The following GLB1L2 variants were observed in gnomAD, a reference collection of about 807,000 sequenced individuals.
The protein encoded by GLB1L2 is galactosidase beta 1 like 2.
Under a neutral mutation model 84.1 loss-of-function variants are expected in GLB1L2, and 68 were observed. That is an observed-to-expected ratio of 0.81 (90% CI 0.67 to 0.99). The LOEUF is 0.99. Among genes scored for constraint, GLB1L2 ranks in the 50% least tolerant of loss-of-function variants. The probability of loss-of-function intolerance (pLI) is 0.00; values close to 1 mark genes in which losing one functional copy is unlikely to be tolerated. For synonymous variants in GLB1L2, 290 were observed against 318.0 expected (o/e 0.91, Z 0.94); for missense variants, 762 against 805.6 (o/e 0.95, Z 0.66).
At chr11:134,341,991 C>CCCAGCACCGGCTCCT (rs1591610852) in intron 1 of GLB1L2, among the ~76,000 whole-genome samples, 4 of 152,000 alleles carry the variant, frequency 2.6e-5, no homozygotes, top group African/African-American at 4.8e-5. Flanking sequence ...GACTCAGCCA[C>CCCAGCACCGGCTCCT]GCCCTTGTTT....
At position 134,371,131 on chromosome 11, in the gene GLB1L2, G is replaced by A. The variant is rs375722955; in HGVS notation, c.1339G>A (p.Val447Met). The stretch of plus-strand genomic sequence containing the variant: ...CTCGTCTGGCATCCTCAGTGGCCAC[G>A]TGCATGATCGGGGGCAGGTAGGAGC... ...ITSSGILSGH[V>M]HDRGQVFVNT... Residue 447 changes from valine (V) to methionine (M), a missense_variant, in exon 13 of 19, where the codon GTG becomes ATG. Val to Met is a conservative substitution (Grantham distance 21, BLOSUM62 1). This residue lies in a region of GLB1L2 where 603 missense variants were observed against 611.7 expected (regional missense o/e 0.99). Coordinates refer to ENST00000535456, the MANE Select transcript of GLB1L2 (RefSeq NM_001370461.1). 50 of 1,614,080 alleles carry A rather than the reference G, an allele frequency of 3.1e-5. No homozygotes were observed. The highest frequency in any genetic ancestry group is 2.7e-4 in the Admixed American group (16 of 60,006).
Position 134,332,067 on chromosome 11 carries a change from C to T in GLB1L2, c.6C>T (p.Thr2=). M[T]TWSLRRRPAR... ...CCGCGCTTAGAGAACACGCGATGAC[C>T]ACGTGGAGCCTCCGGCGGAGGCCGG... Residue 2 remains threonine, a synonymous_variant, in exon 1 of 19, where the codon ACC becomes ACT. Transcript: ENST00000535456. 1 of 1,577,836 alleles carries T rather than the reference C, an allele frequency of 6.3e-7. No individual in the cohort carries two copies. Among genetic ancestry groups the T allele is most frequent in the Non-Finnish European group, 8.6e-7 (1 of 1,163,692 alleles).
rs1041992236 is a variant in GLB1L2 at position 134,342,957 on chromosome 11, T to TG, written c.284+7dup. 7.5e-6 allele frequency: 12 copies of TG among 1,604,616 alleles called. No individual in the cohort carries two copies. Among genetic ancestry groups the TG allele is most frequent in the African/African-American group, 2.7e-5 (2 of 74,646 alleles). ...GGCTTGAACACCCTCACCACGTAGGTGCTGCCCCTGTCCCCCCGGAGCCTG... is the reference window on the plus strand; with the variant it reads ...GGCTTGAACACCCTCACCACGTAGGTGGCTGCCCCTGTCCCCCCGGAGCCTG... On this transcript the variant is annotated splice_region_variant and intron_variant, in intron 2 of 18. Coordinates refer to ENST00000535456, the MANE Select transcript of GLB1L2 (RefSeq NM_001370461.1).
intron 17 of GLB1L2, 67 bp downstream of exon 17, chr11:134,374,323 A>C: frequency 7.7e-7 from 1 of 1,294,416 alleles, no homozygotes; most frequent in Non-Finnish European, 1.1e-6. Context: ...CTCTGAGCCA[A>C]AGCCACGAGC....
intron 3 of GLB1L2, 151 bp downstream of exon 3, chr11:134,344,606 C>T (rs181055573): frequency 1.0e-4 from 106 of 1,018,892 alleles, no homozygotes; most frequent in Middle Eastern, 3.2e-4. Context: ...AGGACCCAGA[C>T]GCTCCCCAGT....
rs780116485 is a variant in GLB1L2 at position 134,342,970 on chromosome 11, C to T, written c.284+19C>T. 4 of 1,592,056 alleles carry T rather than the reference C, an allele frequency of 2.5e-6. No homozygotes were observed. In the African/African-American group the frequency reaches 4.0e-5, roughly 16 times the overall value. On this transcript the variant is annotated intron_variant, in intron 2 of 18. Coordinates refer to ENST00000535456, the MANE Select transcript of GLB1L2 (RefSeq NM_001370461.1). ...TCACCACGTAGGTGCTGCCCCTGTC[C>T]CCCCGGAGCCTGGTTCCTAAGCAGG...
chr11:134,343,280 C>A (rs934904321), intron 2 of GLB1L2, among the ~76,000 whole-genome samples: 2 of 152,146 alleles, frequency 1.3e-5, no homozygotes, highest in African/African-American at 2.4e-5. Context: ...AGCCAGTGAA[C>A]GGAGTCTTCT....
rs1422294908 is a variant in GLB1L2, at chr11:134,338,897, G to A, written c.87-3857G>A. On this transcript the variant is annotated intron_variant, in intron 1 of 18. Transcript: ENST00000535456. The surrounding 1 kb of genome is among the most constrained non-coding windows in gnomAD (Gnocchi z 6.2). ...GGCCACCCTCTCCATCCAGGTGGAGGAGCGGAGCCTGACTCTGAGCAGAGC... is the reference window on the plus strand; with the variant it reads ...GGCCACCCTCTCCATCCAGGTGGAGAAGCGGAGCCTGACTCTGAGCAGAGC... Among the ~76,000 whole-genome samples the A allele has an allele frequency of 6.6e-6, 1 of 152,184 alleles. No homozygotes were observed. The highest frequency in any genetic ancestry group is 2.1e-4 in the South Asian group (1 of 4,832).
Position 134,344,380 on chromosome 11 carries a change from G to A in GLB1L2, c.285-7G>A, listed in dbSNP as rs763893823. The A allele has an allele frequency of 3.2e-6, 5 of 1,576,148 alleles. No individual in the cohort carries two copies. The highest frequency in any genetic ancestry group is 3.4e-5 in the Admixed American group (2 of 58,788). On this transcript the variant is annotated splice_region_variant and splice_polypyrimidine_tract_variant and intron_variant, in intron 2 of 18. Coordinates refer to ENST00000535456, the MANE Select transcript of GLB1L2 (RefSeq NM_001370461.1). ...GCTCTAGCCTATAATTATCATTTCT[G>A]TTGCAGCTATGTTCCGTGGAACCTG...
chr11:134,365,595 T>A (rs551332201), intron 8 of GLB1L2, among the ~76,000 whole-genome samples: 109 of 152,316 alleles, frequency 7.2e-4, no homozygotes, highest in African/African-American at 2.5e-3. Flanking sequence ...ATTTGGAAAG[T>A]GCCTAGCACA....
chr11:134,333,647 T>C (rs1196469771), intron 1 of GLB1L2, among the ~76,000 whole-genome samples: 1 of 152,112 alleles, frequency 6.6e-6, no homozygotes, highest in Non-Finnish European at 1.5e-5. Context: ...GGGTTTGTTA[T>C]TGTTTGGTGG....
At chr11:134,347,674 A>G (rs965459183) in intron 5 of GLB1L2, among the ~76,000 whole-genome samples, 4 of 152,238 alleles carry the variant, frequency 2.6e-5, no homozygotes, top group African/African-American at 9.7e-5. Flanking sequence ...AAGGGCTCAC[A>G]TTGCCACATA....
intron 7 of GLB1L2, chr11:134,359,688 C>G (rs1408053788): frequency 6.6e-6 from 1 of 152,362 alleles, no homozygotes; most frequent in Non-Finnish European, 1.5e-5. Flanking sequence ...TCCAGATTAC[C>G]CTATCCTGCT....
Position 134,346,111 on chromosome 11 carries a change from C to T in GLB1L2, c.449+982C>T, listed in dbSNP as rs529145836. The stretch of plus-strand genomic sequence containing the variant: ...GCTGATCCTTGTCCCCAAGCCGTCT[C>T]CCCTCCCCTGGTCCCTGGGGAGCCC... On this transcript the variant is annotated intron_variant, in intron 4 of 18. Transcript: ENST00000535456. Among the ~76,000 whole-genome samples the T allele has an allele frequency of 5.8e-4, 89 of 152,310 alleles. 1 individual carries two copies. Among genetic ancestry groups the T allele is most frequent in the Admixed American group, 4.2e-3 (65 of 15,310 alleles).
Position 134,338,740 on chromosome 11 carries a change from G to A in GLB1L2, c.87-4014G>A, listed in dbSNP as rs1340874242. Among the ~76,000 whole-genome samples the A allele has an allele frequency of 6.6e-6, 1 of 152,198 alleles. No individual in the cohort carries two copies. The highest frequency in any genetic ancestry group is 1.5e-5 in the Non-Finnish European group (1 of 68,032). ...CCAGCCTTCAGCACGAATAGTGCAT[G>A]CCCCTTTTCCACTTGCCAAAAGGGA... is the stretch of plus-strand genomic sequence containing the variant. On this transcript the variant is annotated intron_variant, in intron 1 of 18. Coordinates refer to ENST00000535456, the MANE Select transcript of GLB1L2 (RefSeq NM_001370461.1). This position sits in a 1 kb window ranked among gnomAD's most constrained non-coding sequence, Gnocchi z 6.2.
At chr11:134,371,331 G>A in intron 13 of GLB1L2, 90 bp from the exon 14 acceptor site, 1 of 1,172,124 alleles carries the variant, frequency 8.5e-7, no homozygotes, top group Middle Eastern at 2.1e-4. Context: ...TCTGCCTACA[G>A]GCACGCGTGC....
chr11:134,369,859 T>C lies in GLB1L2; in HGVS notation c.1082T>C (p.Leu361Pro). 1 of 1,613,706 alleles carries C rather than the reference T, an allele frequency of 6.2e-7. No homozygotes were observed. Among genetic ancestry groups the C allele is most frequent in the South Asian group, 1.1e-5 (1 of 91,082 alleles). The change falls in exon 11 of 19, where the codon CTT becomes CCT. Residue 361 changes from leucine (L) to proline (P), a missense_variant. By Grantham distance (98) the Leu-to-Pro change is moderately conservative. Coordinates refer to ENST00000535456, the MANE Select transcript of GLB1L2 (RefSeq NM_001370461.1). ...AGDYTAKYMK[L>P]RDFFGSISGI... ...GATTACACGGCCAAGTACATGAAGC[T>C]TCGAGACTTCTTCGGCTCCATCTCA... is the stretch of plus-strand genomic sequence containing the variant.
At position 134,338,526 on chromosome 11, in the gene GLB1L2, G is replaced by A. The variant is rs910180250; in HGVS notation, c.87-4228G>A. Among the ~76,000 whole-genome samples, 4 of 152,052 alleles carry A rather than the reference G, an allele frequency of 2.6e-5. No homozygotes were observed. Among genetic ancestry groups the A allele is most frequent in the Non-Finnish European group, 5.9e-5 (4 of 68,008 alleles). On this transcript the variant is annotated intron_variant, in intron 1 of 18. Coordinates refer to ENST00000535456, the MANE Select transcript of GLB1L2 (RefSeq NM_001370461.1). This position sits in a 1 kb window ranked among gnomAD's most constrained non-coding sequence, Gnocchi z 6.2. Reference sequence around the variant, plus strand: ...TCCGGGAGCACTTTTTACTACACCTGGAATCTCCTGCCTGCTGGGGCCTGC... The same window carrying A: ...TCCGGGAGCACTTTTTACTACACCTAGAATCTCCTGCCTGCTGGGGCCTGC...
chr11:134,347,979 C>A lies in GLB1L2; in HGVS notation c.558+546C>A, dbSNP rs532237573. Among the ~76,000 whole-genome samples the A allele has an allele frequency of 1.4e-4, 22 of 152,192 alleles. No individual in the cohort carries two copies. In the South Asian group the frequency reaches 4.6e-3, roughly 32 times the overall value. On this transcript the variant is annotated intron_variant, in intron 5 of 18. Transcript: ENST00000535456. ...GTACACACTTACTATTCAAAACATG[C>A]GTTAAAGTACGTTTTGGGGGAGGAA...
Sources: gnomAD v4.1 joint callset for allele counts (sites outside exome capture counted in the v4.1 genomes callset) on GRCh38, gnomAD v4.1.1 for gene constraint, gnomAD v4.1.1 regional missense constraint, Gnocchi (gnomAD v3.1) non-coding constraint, MANE v1.5 for transcripts, NCBI Gene and HGNC (gene_info 2026-07-23, HGNC 2026-07-21) for gene names.